Variants in CDH11 observed in about 807,000 individuals in gnomAD.
CDH11 encodes cadherin-11.
In CDH11, 11 loss-of-function variants were observed where a neutral mutation model predicts 67.8. That is an observed-to-expected ratio of 0.16 (90% CI 0.10 to 0.27). The LOEUF (loss-of-function observed/expected upper bound fraction) is 0.27. Ranked by LOEUF, CDH11 falls within the 10% of genes least tolerant of loss-of-function variation. The pLI is 1.00. For synonymous variants in CDH11, 419 were observed against 400.0 expected, an observed-to-expected ratio of 1.05 and a Z score of -0.57; for missense variants, 847 against 1,031.2, an observed-to-expected ratio of 0.82 and a Z score of 2.45.
intron 1 of CDH11, among the ~76,000 whole-genome samples, chr16:65,071,516 G>C (rs548586931): frequency 6.6e-6 from 1 of 152,260 alleles, no homozygotes; most frequent in South Asian, 2.1e-4. Context: ...TCTGTAACTA[G>C]GTCAGGCACC....
Position 64,998,665 on chromosome 16 carries a change from C to T in CDH11, c.420G>A (p.Glu140=). ...CCTTGACAATGAATTCCGACGGTGG[C>T]TCCAGTGGCCGATTGGTGTCCCTGT... ...AVDRDTNRPL[E]PPSEFIVKVQ... Residue 140 remains glutamate, a synonymous_variant, in exon 4 of 13, where the codon GAG becomes GAA. Transcript: ENST00000268603. 1 of 1,614,100 alleles carries T rather than the reference C, an allele frequency of 6.2e-7. No individual in the cohort carries two copies. Among genetic ancestry groups the T allele is most frequent in the African/African-American group, 1.3e-5 (1 of 75,016 alleles).
Position 64,947,258 on chromosome 16 carries a change from TAAA to T in CDH11, c.*342_*344del, listed in dbSNP as rs1215255749. The T allele has an allele frequency of 6.3e-6, 7 of 1,107,644 alleles. No homozygotes were observed. Among genetic ancestry groups the T allele is most frequent in the African/African-American group, 1.6e-5 (1 of 61,762 alleles). 68.6% of individuals were successfully genotyped at this position (1,107,644 alleles called of 1,614,324 possible). On this transcript the variant is annotated 3_prime_UTR_variant, in exon 13 of 13. Transcript: ENST00000268603. ...TTTTGTGGAAGCTTCTTTGACAACTTAAAAAAGAAGAAAGACTTGGATGTTCAT... is the reference window on the plus strand; with the variant it reads ...TTTTGTGGAAGCTTCTTTGACAACTTAAAGAAGAAAGACTTGGATGTTCAT...
rs529026323 is a variant in CDH11, at chr16:64,996,219, G to T, written c.523+2343C>A. Among the ~76,000 whole-genome samples, 14 of 152,308 alleles carry T rather than the reference G, an allele frequency of 9.2e-5. No individual in the cohort carries two copies. In the East Asian group the frequency reaches 2.3e-3, roughly 25 times the overall value. ...GAATTACAATTCAAGGCTGGGCACGGTGGCTTATGCCTGTAATCCTAGCAC... is the reference window on the plus strand; with the variant it reads ...GAATTACAATTCAAGGCTGGGCACGTTGGCTTATGCCTGTAATCCTAGCAC... On this transcript the variant is annotated intron_variant, in intron 4 of 12. Transcript: ENST00000268603.
intron 2 of CDH11, among the ~76,000 whole-genome samples, chr16:65,039,826 A>G (rs2073830464): frequency 6.6e-6 from 1 of 152,224 alleles, no homozygotes. Context: ...CAAAGGGCTA[A>G]TATCCAGAAT....
At chr16:65,043,026 T>C (rs1879260) in intron 2 of CDH11, among the ~76,000 whole-genome samples, 40,092 of 152,166 alleles carry the variant, frequency 0.26, 6,048 homozygotes, top group Middle Eastern at 0.36. Flanking sequence ...CTACTCCATG[T>C]AAATGCTGAG....
At chr16:64,984,101 C>T (rs960323624) in intron 7 of CDH11, among the ~76,000 whole-genome samples, 2 of 152,138 alleles carry the variant, frequency 1.3e-5, no homozygotes, top group African/African-American at 4.8e-5. Flanking sequence ...CCCAGTTTGG[C>T]GAGATTCCAA....
At chr16:64,949,487 C>T (rs940194368) in intron 12 of CDH11, among the ~76,000 whole-genome samples, 8 of 148,882 alleles carry the variant, frequency 5.4e-5, no homozygotes, top group African/African-American at 1.0e-4. Flanking sequence ...AGTGCAACGG[C>T]GCCATCTTGG....
chr16:65,120,458 C>T (rs1050771233), intron 1 of CDH11, among the ~76,000 whole-genome samples: 2 of 152,064 alleles, frequency 1.3e-5, no homozygotes, highest in South Asian at 2.1e-4. Flanking sequence ...CATATTAAAC[C>T]GATAGCCATG....
At chr16:65,082,343 G>A (rs1334056774) in intron 1 of CDH11, among the ~76,000 whole-genome samples, 2 of 152,208 alleles carry the variant, frequency 1.3e-5, no homozygotes, top group Non-Finnish European at 2.9e-5. Flanking sequence ...GTGGCCCAGT[G>A]AGCCCCTCAC....
At chr16:65,023,655 G>C (rs1443167607) in intron 2 of CDH11, among the ~76,000 whole-genome samples, 1 of 152,192 alleles carries the variant, frequency 6.6e-6, no homozygotes, top group African/African-American at 2.4e-5. Context: ...AAGGGGTGGG[G>C]AGTTCCTAAA....
intron 1 of CDH11, among the ~76,000 whole-genome samples, chr16:65,096,257 G>T (rs1376659035): frequency 7.2e-5 from 11 of 152,060 alleles, no homozygotes; most frequent in Non-Finnish European, 1.5e-4. Flanking sequence ...CTAGCGCCTT[G>T]ATCTTGGACT....
At chr16:64,995,040 T>C (rs1049356738) in intron 4 of CDH11, among the ~76,000 whole-genome samples, 3 of 152,134 alleles carry the variant, frequency 2.0e-5, no homozygotes, top group African/African-American at 4.8e-5. Flanking sequence ...TTCGAAACAC[T>C]GCTGAAAGAA....
chr16:65,078,327 T>A lies in CDH11; in HGVS notation c.-297-24399A>T, dbSNP rs1290372091. Among the ~76,000 whole-genome samples, 4 of 152,280 alleles carry A rather than the reference T, an allele frequency of 2.6e-5. No individual in the cohort carries two copies. In the East Asian group the frequency reaches 7.7e-4, roughly 30 times the overall value. ...ATGAATGTGAGTGTGTTTACCGAGCTCAAACGTTCTGCCTTTTGCTTGAGA... is the reference window on the plus strand; with the variant it reads ...ATGAATGTGAGTGTGTTTACCGAGCACAAACGTTCTGCCTTTTGCTTGAGA... On this transcript the variant is annotated intron_variant, in intron 1 of 12. Transcript: ENST00000268603.
chr16:64,995,474 C>T (rs994613489), intron 4 of CDH11, among the ~76,000 whole-genome samples: 7 of 152,114 alleles, frequency 4.6e-5, no homozygotes, highest in Non-Finnish European at 1.0e-4. Context: ...ACAAAGTTGA[C>T]AAAATTAAGC....
At chr16:65,077,274 G>A (rs865830216) in intron 1 of CDH11, among the ~76,000 whole-genome samples, 5 of 152,214 alleles carry the variant, frequency 3.3e-5, no homozygotes, top group African/African-American at 1.2e-4. Context: ...GGAAAAAAAA[G>A]TGAGTATAAG....
intron 12 of CDH11, chr16:64,948,792 G>T: frequency 6.3e-7 from 1 of 1,585,286 alleles, no homozygotes; most frequent in South Asian, 1.2e-5. Flanking sequence ...GGCAACCTAG[G>T]AGGGGTGATC....
chr16:65,113,837 C>A (rs1052247386), intron 1 of CDH11, among the ~76,000 whole-genome samples: 24 of 152,274 alleles, frequency 1.6e-4, no homozygotes, highest in African/African-American at 5.5e-4. Context: ...GCCCACCCCC[C>A]ATAAGATGCT....
Position 65,121,927 on chromosome 16 carries a change from C to T in CDH11, c.-345G>A. ...CAACCTCCGAGCCGCCAGTCCCTGG[C>T]GCAGGGCAAGCGCTGCGGTGTCAGT... is the stretch of plus-strand genomic sequence containing the variant. On this transcript the variant is annotated 5_prime_UTR_variant, in exon 1 of 13. Transcript: ENST00000268603. The surrounding 1 kb of genome is among the most constrained non-coding windows in gnomAD (Gnocchi z 4.1). The T allele has an allele frequency of 1.4e-6, 1 of 701,924 alleles. No individual in the cohort carries two copies. Among genetic ancestry groups the T allele is most frequent in the East Asian group, 2.7e-5 (1 of 37,186 alleles). 43.5% of individuals were successfully genotyped at this position (701,924 alleles called of 1,614,324 possible).
At chr16:64,954,366 T>C in intron 11 of CDH11, among the ~76,000 whole-genome samples, 1 of 152,206 alleles carries the variant, frequency 6.6e-6, no homozygotes, top group East Asian at 1.9e-4. Flanking sequence ...TGAATACTAA[T>C]TATCTGCTTT....
Sources: gnomAD v4.1 joint callset for allele counts (sites outside exome capture counted in the v4.1 genomes callset) on GRCh38, gnomAD v4.1.1 for gene constraint, Gnocchi (gnomAD v3.1) non-coding constraint, MANE v1.5 for transcripts, NCBI Gene and HGNC (gene_info 2026-07-23, HGNC 2026-07-21) for gene names.